Variants in CCND3 observed in about 807,000 individuals in gnomAD.
The protein encoded by CCND3 is G1/S-specific cyclin-D3.
Under a neutral mutation model 28.7 loss-of-function variants are expected in CCND3, and 9 were observed. That is an observed-to-expected ratio of 0.31 (90% CI 0.19 to 0.55). CCND3 has a LOEUF of 0.55. Among genes scored for constraint, CCND3 ranks in the 20% least tolerant of loss-of-function variants. The pLI, the probability that CCND3 is intolerant of heterozygous loss-of-function variation, is 0.93. For missense variants in CCND3, 315 were observed against 385.8 expected (o/e 0.82, Z 1.54); for synonymous variants, 164 against 163.9 (o/e 1.00, Z 0.00).
chr6:41,951,575 C>CACACAA (rs1238860882), intron 1 of CCND3, among the ~76,000 whole-genome samples: 11 of 70,188 alleles, frequency 1.6e-4, no homozygotes, highest in South Asian at 6.6e-4. Context: ...CACACACACA[C>CACACAA]AAAAAAAAAG....
At chr6:42,049,699 A>G (rs1317280838), upstream of CCND3, 1 of 152,314 alleles carries the variant, frequency 6.6e-6, no homozygotes, top group Non-Finnish European at 1.5e-5. Flanking sequence ...GGATGCAGCG[A>G]TAGACTTGGA....
chr6:42,048,446 C>A lies in CCND3; in HGVS notation c.-46+55G>T, dbSNP rs568036018. The A allele has an allele frequency of 1.8e-5, 8 of 449,660 alleles. No individual in the cohort carries two copies. In the East Asian group the frequency reaches 5.2e-4, roughly 29 times the overall value. 27.9% of individuals were successfully genotyped at this position (449,660 alleles called of 1,614,324 possible). On this transcript the variant is annotated intron_variant, in intron 1 of 4. Transcript: ENST00000372988. The surrounding 1 kb of genome is among the most constrained non-coding windows in gnomAD (Gnocchi z 4.7). ...CCAGCACCGATCCCCAACGCATGGT[C>A]TCCAGCCTGAGCTGACATCCCATCT...
intron 1 of CCND3, among the ~76,000 whole-genome samples, chr6:41,986,508 C>G (rs1762484325): frequency 6.6e-6 from 1 of 151,556 alleles, no homozygotes; most frequent in African/African-American, 2.4e-5. Context: ...TAAATTTATT[C>G]CTAAGTATAT....
intron 1 of CCND3, among the ~76,000 whole-genome samples, chr6:42,015,005 AAGTTTCT>A (rs895135781): frequency 2.6e-5 from 4 of 152,200 alleles, no homozygotes; most frequent in Non-Finnish European, 4.4e-5. Flanking sequence ...TGCCCTCAAA[AAGTTTCT>A]AGTCAATATC....
chr6:42,013,622 G>A (rs1169574380), intron 1 of CCND3, among the ~76,000 whole-genome samples: 1 of 152,198 alleles, frequency 6.6e-6, no homozygotes, highest in Admixed American at 6.5e-5. Flanking sequence ...TGAGGTGATT[G>A]CTTTGCAGAA....
intron 1 of CCND3, among the ~76,000 whole-genome samples, chr6:42,023,197 T>G (rs1465709366): frequency 1.3e-5 from 2 of 152,212 alleles, no homozygotes; most frequent in Non-Finnish European, 2.9e-5. Context: ...TGTAAACAAG[T>G]GTCCTTGTCA....
chr6:41,936,606 C>T lies in CCND3; in HGVS notation c.664G>A (p.Gly222Arg), dbSNP rs1011446322. 3.1e-6 allele frequency: 5 copies of T among 1,614,198 alleles called. No homozygotes were observed. The highest frequency in any genetic ancestry group is 1.7e-6 in the Non-Finnish European group (2 of 1,180,030). The part of the protein sequence containing the change: ...VQGLGACSMS[G>R]DELTELLAGI... Reference sequence around the variant, plus strand: ...GCCAGCAGCTCTGTGAGCTCATCCCCGGACATGGAGCAGGCACCCAGGCCT... The same window carrying T: ...GCCAGCAGCTCTGTGAGCTCATCCCTGGACATGGAGCAGGCACCCAGGCCT... Residue 222 changes from glycine (G) to arginine (R), a missense_variant, in exon 4 of 5, where the codon GGG becomes AGG. Coordinates refer to ENST00000372991, the MANE Select transcript of CCND3 (RefSeq NM_001760.5). The surrounding 1 kb of genome is among the most constrained non-coding windows in gnomAD (Gnocchi z 4.4).
intron 1 of CCND3, among the ~76,000 whole-genome samples, chr6:42,008,527 A>G (rs889712741): frequency 1.3e-5 from 2 of 152,174 alleles, no homozygotes; most frequent in African/African-American, 4.8e-5. Flanking sequence ...TTTTACTTGC[A>G]GTGCATTCAT....
At chr6:42,044,669 T>C (rs916639509) in intron 1 of CCND3, among the ~76,000 whole-genome samples, 1 of 152,218 alleles carries the variant, frequency 6.6e-6, no homozygotes, top group Non-Finnish European at 1.5e-5. Context: ...CATACAGCTA[T>C]AGTATTCCTC....
Position 41,936,190 on chromosome 6 carries a change from C to A in CCND3, c.712-83G>T. ...GGTGCAGGGGAAGGACAGCTCCCAA[C>A]ACATGGGGAAGTCTGGGGAGGTTAG... On this transcript the variant is annotated intron_variant, in intron 4 of 4. Transcript: ENST00000372991. This position sits in a 1 kb window ranked among gnomAD's most constrained non-coding sequence, Gnocchi z 4.4. 6.9e-7 allele frequency: 1 copy of A among 1,441,166 alleles called. No individual in the cohort carries two copies. The highest frequency in any genetic ancestry group is 9.3e-7 in the Non-Finnish European group (1 of 1,074,206). 89.3% of individuals were successfully genotyped at this position (1,441,166 alleles called of 1,614,324 possible).
intron 1 of CCND3, among the ~76,000 whole-genome samples, chr6:41,961,440 G>A (rs556090529): frequency 1.5e-4 from 23 of 152,062 alleles, no homozygotes; most frequent in Non-Finnish European, 2.5e-4. Flanking sequence ...GGTGGCAGGC[G>A]CCTGTAATCC....
At chr6:41,977,763 C>T (rs187017020) in intron 1 of CCND3, among the ~76,000 whole-genome samples, 5 of 152,274 alleles carry the variant, frequency 3.3e-5, no homozygotes, top group East Asian at 1.9e-4. Flanking sequence ...ACCAGCCTCC[C>T]GAATCGACCA....
intron 1 of CCND3, among the ~76,000 whole-genome samples, chr6:41,967,677 G>A (rs973774618): frequency 6.6e-6 from 1 of 152,184 alleles, no homozygotes; most frequent in South Asian, 2.1e-4. Context: ...ATCACACTTG[G>A]AGTCCACACT....
At chr6:41,976,249 G>A (rs1400799537) in intron 1 of CCND3, among the ~76,000 whole-genome samples, 1 of 151,816 alleles carries the variant, frequency 6.6e-6, no homozygotes, top group East Asian at 1.9e-4. Context: ...CTACTCAGGA[G>A]GCTGAGGCAG....
In CCND3 at chr6:41,936,361, G is replaced by A. The variant is rs1775794633; in HGVS notation, c.711+198C>T. The A allele has an allele frequency of 1.4e-6, 1 of 698,500 alleles. No homozygotes were observed. The highest frequency in any genetic ancestry group is 2.9e-5 in the Admixed American group (1 of 33,900). 43.3% of individuals were successfully genotyped at this position (698,500 alleles called of 1,614,324 possible). ...CCACTTGGCAAGAAAAGAACCCCTA[G>A]GGCCAGTGCCCTTCACCCCACCCAA... On this transcript the variant is annotated intron_variant, in intron 4 of 4. Transcript: ENST00000372991. This position sits in a 1 kb window ranked among gnomAD's most constrained non-coding sequence, Gnocchi z 4.4.
At chr6:42,022,443 A>G (rs559376244) in intron 1 of CCND3, among the ~76,000 whole-genome samples, 1 of 152,378 alleles carries the variant, frequency 6.6e-6, no homozygotes, top group Middle Eastern at 3.4e-3. Flanking sequence ...TGGAAAATAA[A>G]ACAAACAATC....
chr6:41,997,116 TC>T (rs1437656201), intron 1 of CCND3, among the ~76,000 whole-genome samples: 2 of 152,206 alleles, frequency 1.3e-5, no homozygotes, highest in Non-Finnish European at 2.9e-5. Flanking sequence ...GGACCTGTCT[TC>T]TTTGACAAAG....
Position 42,045,031 on chromosome 6 carries a change from G to A in CCND3, c.-46+3470C>T, listed in dbSNP as rs555855858. 2.1e-5 allele frequency among the ~76,000 whole-genome samples: 3 copies of A among 145,426 alleles called. No individual in the cohort carries two copies. In the South Asian group the frequency reaches 6.5e-4, roughly 31 times the overall value. On this transcript the variant is annotated intron_variant, in intron 1 of 4. Coordinates refer to the CCND3 transcript ENST00000372988. ...ATGTTGGTCAGGCTGGTCTCGAACT[G>A]CTGACCTCGTGATCCGCCCACCTTG...
chr6:42,027,464 C>T (rs1763911883), intron 1 of CCND3, among the ~76,000 whole-genome samples: 1 of 151,848 alleles, frequency 6.6e-6, no homozygotes, highest in African/African-American at 2.4e-5. Flanking sequence ...AAAAGACACC[C>T]GACTCCACCC....
Sources: allele counts gnomAD v4.1 joint callset (sites outside exome capture counted in the v4.1 genomes callset), GRCh38; gene constraint gnomAD v4.1.1; non-coding constraint Gnocchi (gnomAD v3.1); transcripts MANE v1.5; gene names NCBI Gene and HGNC (gene_info 2026-07-23, HGNC 2026-07-21).